Variants in CASK observed in about 807,000 individuals in gnomAD.
The protein encoded by CASK is peripheral plasma membrane protein CASK.
A neutral mutation model predicts 82.9 loss-of-function variants in CASK; 4 were observed. The ratio of observed to expected loss-of-function variants is 0.05; its 90% CI spans 0.02 to 0.11. The LOEUF is 0.11. Among genes scored for constraint, CASK ranks in the 10% least tolerant of loss-of-function variants. The pLI is 1.00. For synonymous variants in CASK, 259 were observed against 253.5 expected, an observed-to-expected ratio of 1.02 and a Z score of -0.20; for missense variants, 358 against 720.9, an observed-to-expected ratio of 0.50 and a Z score of 5.76.
At position 41,923,398 on chromosome X, in the gene CASK, G is replaced by C. The variant is rs1431360163; in HGVS notation, c.-410C>G. On this transcript the variant is annotated 5_prime_UTR_variant, in exon 1 of 27. Coordinates refer to ENST00000378163, the MANE Select transcript of CASK (RefSeq NM_001367721.1). ...GCTCCGTCGCGTCGCGGAGCAGCTC[G>C]GGCTACAGAGGGGGCCGCGGCAGGA... The C allele has an allele frequency of 1.8e-5, 2 of 110,836 alleles. No homozygotes were observed. The highest frequency in any genetic ancestry group is 1.9e-4 in the Admixed American group (2 of 10,709). The allele number at this position is 110,836 out of a possible 1,213,427, so 9.1% of individuals were successfully genotyped here. A position where few individuals can be genotyped will look rare whatever the true frequency, so the allele number is the denominator to read the frequency against.
At chrX:41,898,935 T>G (rs752974617) in intron 1 of CASK, among the ~76,000 whole-genome samples, 6 of 111,997 alleles carry the variant, frequency 5.4e-5, no homozygotes, top group Admixed American at 1.9e-4. Flanking sequence ...AGATGACTCT[T>G]AGATCCATTT....
intron 5 of CASK, chrX:41,728,246 A>T (rs2068304427): frequency 3.3e-6 from 1 of 303,235 alleles, no homozygotes; most frequent in Non-Finnish European, 5.9e-6. Context: ...TCAGAAGCAA[A>T]AATTAAGCAT....
chrX:41,838,817 T>G (rs771287740), intron 2 of CASK, among the ~76,000 whole-genome samples: 1 of 111,894 alleles, frequency 8.9e-6, no homozygotes, highest in African/African-American at 3.2e-5. Flanking sequence ...CTATTTTGAG[T>G]TAATTTTTTA....
At chrX:41,583,446 ATT>A (rs939181862) in intron 14 of CASK, among the ~76,000 whole-genome samples, 3 of 107,135 alleles carry the variant, frequency 2.8e-5, no homozygotes, top group Non-Finnish European at 3.9e-5. Flanking sequence ...TTCATTTTTT[ATT>A]TTTTTTTTGA....
rs190946012 is a variant in CASK at position 41,516,668 on chromosome X, A to C, written c.*3752T>G. The stretch of plus-strand genomic sequence containing the variant: ...AACAAGAAACACACACGAGTTTGAT[A>C]ATAGGAAGCAAGAAGGAGGAGGGAT... On this transcript the variant is annotated 3_prime_UTR_variant, in exon 27 of 27. Coordinates refer to ENST00000378163, the MANE Select transcript of CASK (RefSeq NM_001367721.1). The C allele has an allele frequency of 9.0e-6, 1 of 111,415 alleles. No individual in the cohort carries two copies. The highest frequency in any genetic ancestry group is 9.5e-5 in the Admixed American group (1 of 10,493). 9.2% of individuals were successfully genotyped at this position (111,415 alleles called of 1,213,427 possible).
intron 26 of CASK, 137 bp downstream of exon 26, chrX:41,523,814 C>T: frequency 1.8e-6 from 1 of 548,389 alleles, no homozygotes; most frequent in Non-Finnish European, 3.2e-6. Context: ...TAAGACTGTC[C>T]CATGTAGCAT....
intron 5 of CASK, among the ~76,000 whole-genome samples, chrX:41,715,623 GA>G (rs1458553381): frequency 3.7e-3 from 311 of 84,013 alleles, no homozygotes; most frequent in Middle Eastern, 6.3e-3. Context: ...ACTCTGACTT[GA>G]AAAAAAAAAA....
At chrX:41,602,736 T>C (rs1352256725) in intron 12 of CASK, among the ~76,000 whole-genome samples, 1 of 105,780 alleles carries the variant, frequency 9.5e-6, no homozygotes, top group African/African-American at 3.5e-5. Flanking sequence ...TTTTTTTTTT[T>C]GCTAAGTTTA....
chrX:41,739,091 G>T (rs890771436), intron 5 of CASK, among the ~76,000 whole-genome samples: 1 of 111,264 alleles, frequency 9.0e-6, no homozygotes, highest in Non-Finnish European at 1.9e-5. Flanking sequence ...ATATTGTTTG[G>T]TTTTTCCTAT....
intron 2 of CASK, among the ~76,000 whole-genome samples, chrX:41,833,505 T>C (rs1601883495): frequency 9.0e-6 from 1 of 111,277 alleles, no homozygotes; most frequent in Admixed American, 9.5e-5. Flanking sequence ...TGGGTGTCTA[T>C]GAAAAGGTAT....
At chrX:41,544,585 A>C (rs1281904290) in intron 21 of CASK, among the ~76,000 whole-genome samples, 1 of 108,488 alleles carries the variant, frequency 9.2e-6, no homozygotes, top group Admixed American at 1.0e-4. Context: ...AAAAAAAAAA[A>C]ACAAAAATGA....
Position 41,589,584 on chromosome X carries a change from G to A in CASK, c.1164C>T (p.Asp388=). ...QHLHTLLDLY[D]KINTKSSPQI... is the part of the protein sequence containing the mutation. ...GTGGTGAAGACTTTGTGTTAATTTT[G>A]TCATACAGCTAAAAAGCAAAGAAGA... The change falls in exon 13 of 27, where the codon GAC becomes GAT. Residue 388 remains aspartate (D), a synonymous_variant. Coordinates refer to ENST00000378163, the MANE Select transcript of CASK (RefSeq NM_001367721.1). The A allele has an allele frequency of 8.4e-7, 1 of 1,189,168 alleles. No homozygotes were observed. The highest frequency in any genetic ancestry group is 1.1e-6 in the Non-Finnish European group (1 of 875,442).
At chrX:41,802,447 C>T (rs1279372993) in intron 2 of CASK, among the ~76,000 whole-genome samples, 1 of 111,552 alleles carries the variant, frequency 9.0e-6, no homozygotes, top group Non-Finnish European at 1.9e-5. Flanking sequence ...ATCACAGCAA[C>T]TCCTGAAAAG....
intron 5 of CASK, among the ~76,000 whole-genome samples, chrX:41,684,770 T>G (rs2067414998): frequency 8.9e-6 from 1 of 112,072 alleles, no homozygotes; most frequent in African/African-American, 3.2e-5. Context: ...AGTGCTGGGA[T>G]TACAGGTGTG....
chrX:41,553,918 A>G lies in CASK; in HGVS notation c.1843-3T>C, dbSNP rs1462716203. 8.5e-7 allele frequency: 1 copy of G among 1,175,753 alleles called. No individual in the cohort carries two copies. The highest frequency in any genetic ancestry group is 1.2e-6 in the Non-Finnish European group (1 of 864,589). On this transcript the variant is annotated splice_polypyrimidine_tract_variant and splice_region_variant and intron_variant, in intron 20 of 26. Coordinates refer to ENST00000378163, the MANE Select transcript of CASK (RefSeq NM_001367721.1). Reference sequence around the variant, plus strand: ...TCAAATTGTGCTCTTACATAGATCTATAAAACAGGAGTTCGTAAGAAAGGA... The same window carrying G: ...TCAAATTGTGCTCTTACATAGATCTGTAAAACAGGAGTTCGTAAGAAAGGA...
intron 12 of CASK, among the ~76,000 whole-genome samples, chrX:41,600,327 G>A (rs1184217577): frequency 8.9e-6 from 1 of 112,297 alleles, no homozygotes; most frequent in Non-Finnish European, 1.9e-5. Context: ...GGGCCACAAA[G>A]AGAAGAAAAC....
intron 1 of CASK, among the ~76,000 whole-genome samples, chrX:41,887,979 C>G (rs761568237): frequency 1.2e-4 from 13 of 112,023 alleles, no homozygotes; most frequent in Admixed American, 1.1e-3. Context: ...TGTCTTCTTT[C>G]TCCATTTCAT....
chrX:41,591,569 G>A (rs778273960), intron 12 of CASK, among the ~76,000 whole-genome samples: 2 of 109,787 alleles, frequency 1.8e-5, no homozygotes, highest in African/African-American at 3.3e-5. Flanking sequence ...CTGCCTCCTC[G>A]GTTCGAGCGA....
At chrX:41,629,096 G>A (rs952984073) in intron 9 of CASK, among the ~76,000 whole-genome samples, 1 of 111,756 alleles carries the variant, frequency 8.9e-6, no homozygotes, top group Non-Finnish European at 1.9e-5. Context: ...ATAGTAGTAT[G>A]CTTTAAATTT....
Sources: allele counts gnomAD v4.1 joint callset (sites outside exome capture counted in the v4.1 genomes callset), GRCh38; gene constraint gnomAD v4.1.1; transcripts MANE v1.5; gene names NCBI Gene and HGNC (gene_info 2026-07-23, HGNC 2026-07-21).